Variants in HEATR4 observed in about 807,000 individuals in gnomAD.
HEATR4 encodes the protein HEAT repeat-containing protein 4.
HEATR4 carries 95 observed loss-of-function variants against 108.8 expected under a neutral mutation model. The ratio of observed to expected loss-of-function variants is 0.87; its 90% confidence interval spans 0.74 to 1.04. The LOEUF is 1.04. Among genes scored for constraint, HEATR4 ranks in the 50% least tolerant of loss-of-function variants. The pLI is 0.00. For synonymous variants in HEATR4, 443 were observed against 459.4 expected, an observed-to-expected ratio of 0.96 and a Z score of 0.46; for missense variants, 1,152 against 1,253.8, an observed-to-expected ratio of 0.92 and a Z score of 1.23.
Position 73,545,147 on chromosome 14 carries a change from C to T in HEATR4, c.-152+13604G>A, listed in dbSNP as rs1337920385. On this transcript the variant is annotated intron_variant, in intron 1 of 17. Transcript: ENST00000553558. ...AGTCACGGCTCACTGCAGCCTCAACCTCGTAGGTTTAAGCTATTCTCCCAC... is the reference window on the plus strand; with the variant it reads ...AGTCACGGCTCACTGCAGCCTCAACTTCGTAGGTTTAAGCTATTCTCCCAC... Among the ~76,000 whole-genome samples, 43 of 105,660 alleles carry T rather than the reference C, an allele frequency of 4.1e-4. 12 individuals carry two copies. The highest frequency in any genetic ancestry group is 7.7e-4 in the Non-Finnish European group (38 of 49,310). The allele number at this position is 105,660 out of a possible 152,430, so 69.3% of individuals were successfully genotyped here.
intron 2 of HEATR4, chr14:73,529,284 G>C (rs956562955): frequency 6.7e-6 from 1 of 149,682 alleles, no homozygotes; most frequent in Admixed American, 6.8e-5. Flanking sequence ...GAACCCAGGA[G>C]TCGGAGGTTG....
chr14:73,493,449 G>A (rs571368792), intron 16 of HEATR4: 19 of 265,816 alleles, frequency 7.1e-5, no homozygotes, highest in Non-Finnish European at 1.1e-4. Context: ...ATGCAGGAGC[G>A]GGAGGAAGAT....
intron 7 of HEATR4, among the ~76,000 whole-genome samples, chr14:73,511,263 A>C (rs1415081013): frequency 6.6e-6 from 1 of 152,140 alleles, no homozygotes; most frequent in Non-Finnish European, 1.5e-5. Flanking sequence ...CTGTAATCCC[A>C]GCACTTTGGG....
At chr14:73,600,368 T>G in the HEATR4 span, among the ~76,000 whole-genome samples, 3 of 151,814 alleles carry the variant, frequency 2.0e-5, no homozygotes, top group East Asian at 5.8e-4. Flanking sequence ...AAAAGGGGAG[T>G]TCAAAGTTCT....
chr14:73,621,155 G>A, the HEATR4 span, among the ~76,000 whole-genome samples: 1 of 152,238 alleles, frequency 6.6e-6, no homozygotes, highest in East Asian at 2.0e-4. Context: ...GGAGGTTGCA[G>A]TGAGCCGAGA....
chr14:73,492,392 A>T lies in HEATR4; in HGVS notation c.2844+674T>A. 1 of 1,613,842 alleles carries T rather than the reference A, an allele frequency of 6.2e-7. No homozygotes were observed. Among genetic ancestry groups the T allele is most frequent in the South Asian group, 1.1e-5 (1 of 91,082 alleles). Reference sequence around the variant, plus strand: ...TCGGAGGGGTCTGCCCCGAGACTTCATGGATTACATGGGGGCCCAGCATTC... The same window carrying T: ...TCGGAGGGGTCTGCCCCGAGACTTCTTGGATTACATGGGGGCCCAGCATTC... On this transcript the variant is annotated intron_variant, in intron 17 of 17. Coordinates refer to ENST00000553558, the MANE Select transcript of HEATR4 (RefSeq NM_001220484.1). This position sits in a 1 kb window ranked among gnomAD's most constrained non-coding sequence, Gnocchi z 4.9.
At chr14:73,510,415 G>A (rs1298783071) in intron 7 of HEATR4, among the ~76,000 whole-genome samples, 1 of 150,714 alleles carries the variant, frequency 6.6e-6, no homozygotes. Flanking sequence ...CATCCCTGTT[G>A]GCTGGAGTTT....
At chr14:73,609,245 A>G in the HEATR4 span, among the ~76,000 whole-genome samples, 1 of 152,206 alleles carries the variant, frequency 6.6e-6, no homozygotes, top group Non-Finnish European at 1.5e-5. Flanking sequence ...GAATAAAATG[A>G]TGCAGTGTGC....
intron 6 of HEATR4, 69 bp downstream of exon 6, chr14:73,513,962 G>C: frequency 6.7e-7 from 1 of 1,489,100 alleles, no homozygotes; most frequent in Non-Finnish European, 9.4e-7. Context: ...CAAAGACTGA[G>C]AAAGCCTAGT....
intron 10 of HEATR4, among the ~76,000 whole-genome samples, chr14:73,505,965 A>G (rs899569338): frequency 3.6e-5 from 5 of 138,624 alleles, no homozygotes; most frequent in African/African-American, 1.3e-4. Flanking sequence ...ATCTTGGTTC[A>G]CTGCAACCTC....
the HEATR4 span, among the ~76,000 whole-genome samples, chr14:73,583,128 G>A: frequency 6.6e-6 from 1 of 152,012 alleles, no homozygotes; most frequent in African/African-American, 2.4e-5. Context: ...CGGATCACGA[G>A]GTCAGGAGTT....
Position 73,491,625 on chromosome 14 carries a change from C to T in HEATR4, c.2844+1441G>A, listed in dbSNP as rs1470047624. On this transcript the variant is annotated intron_variant, in intron 17 of 17. Transcript: ENST00000553558. ...ATCCCCAGCAGCCGGCGGCGAGCGG[C>T]CCGCCTCTTTGAGTGGCTCATCGCG... is the stretch of plus-strand genomic sequence containing the variant. 4 of 1,548,770 alleles carry T rather than the reference C, an allele frequency of 2.6e-6. No individual in the cohort carries two copies. The South Asian group carries it at 4.8e-5, about 18-fold the overall frequency.
Position 73,548,168 on chromosome 14 carries a change from G to T in HEATR4, c.-152+10583C>A. On this transcript the variant is annotated intron_variant, in intron 1 of 17. Transcript: ENST00000553558. ...GTCTCGAACTCCTGGCCTCAGGTGA[G>T]CCTCCTGTAATCAGTAGAAGGGTCC... Among the ~76,000 whole-genome samples the T allele has an allele frequency of 1.7e-5, 2 of 115,790 alleles. 1 individual carries two copies. Among genetic ancestry groups the T allele is most frequent in the Non-Finnish European group, 3.8e-5 (2 of 52,990 alleles). 76.0% of individuals were successfully genotyped at this position (115,790 alleles called of 152,430 possible). A position where few individuals can be genotyped will look rare whatever the true frequency, so the allele number is the denominator to read the frequency against.
chr14:73,496,133 C>CA (rs1031812933), intron 15 of HEATR4, among the ~76,000 whole-genome samples: 38 of 144,492 alleles, frequency 2.6e-4, no homozygotes, highest in South Asian at 1.5e-3. Context: ...GTCCCCCCCT[C>CA]AAAAAAAAAA....
At chr14:73,498,038 G>T in intron 14 of HEATR4, 117 bp downstream of exon 14, 1 of 904,814 alleles carries the variant, frequency 1.1e-6, no homozygotes, top group Non-Finnish European at 1.7e-6. Context: ...ATGTGCAGGT[G>T]AACCAGTGCT....
the HEATR4 span, among the ~76,000 whole-genome samples, chr14:73,606,426 T>C: frequency 4.0e-5 from 6 of 151,516 alleles, no homozygotes; most frequent in Non-Finnish European, 7.4e-5. Context: ...TCGGGGAGAC[T>C]GATTTGAGTA....
chr14:73,588,281 T>C, the HEATR4 span, among the ~76,000 whole-genome samples: 1 of 152,216 alleles, frequency 6.6e-6, no homozygotes, highest in Non-Finnish European at 1.5e-5. Context: ...ATTACAGGCA[T>C]GAGCCACCGA....
At chr14:73,631,306 C>T in the HEATR4 span, among the ~76,000 whole-genome samples, 30 of 151,830 alleles carry the variant, frequency 2.0e-4, no homozygotes, top group African/African-American at 6.8e-4. Flanking sequence ...TTTTTAGAGA[C>T]CAGGTCTTGC....
At chr14:73,627,524 CACTT>C in the HEATR4 span, among the ~76,000 whole-genome samples, 1 of 152,238 alleles carries the variant, frequency 6.6e-6, no homozygotes, top group Admixed American at 6.5e-5. Flanking sequence ...ACTTGGGAAA[CACTT>C]ACTTCCACTT....
Sources: gnomAD v4.1 joint callset for allele counts (sites outside exome capture counted in the v4.1 genomes callset) on GRCh38, gnomAD v4.1.1 for gene constraint, Gnocchi (gnomAD v3.1) non-coding constraint, MANE v1.5 for transcripts, NCBI Gene and HGNC (gene_info 2026-07-23, HGNC 2026-07-21) for gene names.